The following PLXNC1 variants were observed in gnomAD, a reference collection of about 807,000 sequenced individuals.
PLXNC1 encodes plexin C1.
In PLXNC1, 75 loss-of-function variants were observed where a neutral mutation model predicts 178.2. The observed-to-expected ratio is 0.42, with a 90% CI of 0.35 to 0.51. PLXNC1 has a LOEUF of 0.51. Among genes scored for constraint, PLXNC1 ranks in the 20% least tolerant of loss-of-function variants. The pLI, the probability that PLXNC1 is intolerant of heterozygous loss-of-function variation, is 0.02. For synonymous variants in PLXNC1, 790 were observed against 779.9 expected (o/e 1.01, Z -0.22); for missense variants, 1,503 against 1,984.4 (o/e 0.76, Z 4.61).
At chr12:94,242,028 GA>G (rs1005265983) in intron 11 of PLXNC1, among the ~76,000 whole-genome samples, 300 of 151,382 alleles carry the variant, frequency 2.0e-3, no homozygotes, top group African/African-American at 6.7e-3. Flanking sequence ...AGAGAAAGAG[GA>G]AAAAAAGTAG....
At chr12:94,295,372 C>T (rs1400010853) in intron 24 of PLXNC1, among the ~76,000 whole-genome samples, 4 of 152,214 alleles carry the variant, frequency 2.6e-5, no homozygotes, top group African/African-American at 9.6e-5. Context: ...GTGAAGCCAT[C>T]TTGCAGAGAT....
chr12:94,302,908 A>G (rs1310759201), intron 28 of PLXNC1, among the ~76,000 whole-genome samples: 2 of 152,192 alleles, frequency 1.3e-5, no homozygotes, highest in Non-Finnish European at 2.9e-5. Context: ...GAATGATAGC[A>G]TGATTTCTGG....
At chr12:94,176,487 C>G (rs142775335) in intron 2 of PLXNC1, 19 of 152,328 alleles carry the variant, frequency 1.2e-4, no homozygotes, top group African/African-American at 4.6e-4. Flanking sequence ...AAAACTAAAA[C>G]TTCCTCTTGT....
At chr12:94,158,355 G>A (rs1454872481) in intron 1 of PLXNC1, 2 of 152,262 alleles carry the variant, frequency 1.3e-5, no homozygotes, top group East Asian at 3.9e-4. Flanking sequence ...GTCCAGAAAC[G>A]AGTGTGCAGG....
rs1447210644 is a variant in PLXNC1, at chr12:94,299,155, A to C, written c.4238+360A>C. ...TTATGATAAACCATTTTTTGTTCCT[A>C]ATCGGTTACTTTGCAGTCTCCAAGC... On this transcript the variant is annotated intron_variant, in intron 27 of 30. Coordinates refer to ENST00000258526, the MANE Select transcript of PLXNC1 (RefSeq NM_005761.3). Among the ~76,000 whole-genome samples the C allele has an allele frequency of 2.6e-5, 4 of 152,300 alleles. No individual in the cohort carries two copies. In the East Asian group the frequency reaches 7.7e-4, roughly 29 times the overall value.
intron 3 of PLXNC1, 37 bp from the exon 4 acceptor site, chr12:94,186,336 A>G (rs1216609387): frequency 2.1e-6 from 3 of 1,457,622 alleles, no homozygotes; most frequent in Non-Finnish European, 2.9e-6. Flanking sequence ...GCTGTTGCTT[A>G]TAATTCCATC....
intron 20 of PLXNC1, among the ~76,000 whole-genome samples, chr12:94,264,559 G>A (rs368705248): frequency 6.6e-6 from 1 of 152,190 alleles, no homozygotes; most frequent in South Asian, 2.1e-4. Context: ...ACTGTTGAAC[G>A]GCAGGCTGCT....
At chr12:94,247,304 T>C (rs931356499) in intron 12 of PLXNC1, among the ~76,000 whole-genome samples, 2 of 152,204 alleles carry the variant, frequency 1.3e-5, no homozygotes, top group African/African-American at 4.8e-5. Context: ...TCATGGGAGA[T>C]GCATTGTTCC....
chr12:94,237,593 T>C, intron 9 of PLXNC1, 71 bp from the exon 10 acceptor site: 1 of 1,397,356 alleles, frequency 7.2e-7, no homozygotes, highest in Non-Finnish European at 1.0e-6. Context: ...CTGCAGCGTA[T>C]AAACAGATTT....
intron 1 of PLXNC1, chr12:94,158,097 C>CT (rs1328124904): frequency 1.3e-5 from 2 of 152,158 alleles, no homozygotes; most frequent in Non-Finnish European, 2.9e-5. Context: ...TAAAACAAAC[C>CT]TTTCCCATAC....
At chr12:94,191,009 A>G (rs1220897806) in intron 4 of PLXNC1, among the ~76,000 whole-genome samples, 1 of 152,184 alleles carries the variant, frequency 6.6e-6, no homozygotes, top group South Asian at 2.1e-4. Context: ...GCCCATCACT[A>G]TTAGGAATGA....
At chr12:94,168,915 T>C (rs2291324) in intron 1 of PLXNC1, among the ~76,000 whole-genome samples, 110,703 of 152,066 alleles carry the variant, frequency 0.73, 40,441 homozygotes, top group East Asian at 0.82. Flanking sequence ...CCAGCTCGCT[T>C]TGGCACTCAA....
At chr12:94,199,264 G>T (rs989812092) in intron 4 of PLXNC1, among the ~76,000 whole-genome samples, 2 of 152,162 alleles carry the variant, frequency 1.3e-5, no homozygotes, top group African/African-American at 2.4e-5. Context: ...CTTCCAATCC[G>T]GGATGTGTCC....
Position 94,254,775 on chromosome 12 carries a change from T to C in PLXNC1, c.2882-12T>C, listed in dbSNP as rs1449463951. 3 of 1,575,744 alleles carry C rather than the reference T, an allele frequency of 1.9e-6. No homozygotes were observed. Among genetic ancestry groups the C allele is most frequent in the Middle Eastern group, 1.7e-4 (1 of 5,874 alleles). The stretch of plus-strand genomic sequence containing the variant: ...TACCATGTCCCTCTGATGCAGCATC[T>C]CTGTCTCTTAGCGGCCGTGGGGGTG... On this transcript the variant is annotated splice_polypyrimidine_tract_variant and intron_variant, in intron 15 of 30. Transcript: ENST00000258526.
At chr12:94,237,033 TA>T (rs1158117644) in intron 9 of PLXNC1, among the ~76,000 whole-genome samples, 1 of 152,184 alleles carries the variant, frequency 6.6e-6, no homozygotes, top group African/African-American at 2.4e-5. Flanking sequence ...TTAGGCCTGA[TA>T]AAGTCTATTG....
chr12:94,176,726 A>G (rs1182622788), intron 2 of PLXNC1, among the ~76,000 whole-genome samples: 1 of 152,204 alleles, frequency 6.6e-6, no homozygotes, highest in Non-Finnish European at 1.5e-5. Flanking sequence ...GTATCTTTCC[A>G]GAGATAGTTT....
intron 5 of PLXNC1, among the ~76,000 whole-genome samples, chr12:94,212,583 TTCTG>T (rs1963513566): frequency 6.6e-6 from 1 of 152,008 alleles, no homozygotes; most frequent in East Asian, 1.9e-4. Context: ...GTGTTTGGTT[TTCTG>T]TCTTTGTGAT....
chr12:94,224,088 T>A, intron 6 of PLXNC1, 140 bp from the exon 7 acceptor site: 1 of 660,698 alleles, frequency 1.5e-6, no homozygotes, highest in South Asian at 1.7e-5. Context: ...CACATACTGA[T>A]TGAAATGTTA....
At chr12:94,215,963 AC>A (rs1963634245) in intron 5 of PLXNC1, among the ~76,000 whole-genome samples, 1 of 152,158 alleles carries the variant, frequency 6.6e-6, no homozygotes, top group Non-Finnish European at 1.5e-5. Flanking sequence ...ATTTCCTTTT[AC>A]AAAAAATAAG....
Sources: allele counts gnomAD v4.1 joint callset (sites outside exome capture counted in the v4.1 genomes callset), GRCh38; gene constraint gnomAD v4.1.1; transcripts MANE v1.5; gene names NCBI Gene and HGNC (gene_info 2026-07-23, HGNC 2026-07-21).